Variants in LAMB4 observed in about 807,000 individuals in gnomAD.
LAMB4 encodes the protein laminin subunit beta 4.
Under a neutral mutation model 199.2 loss-of-function variants are expected in LAMB4, and 196 were observed. The observed-to-expected ratio is 0.98, with a 90% CI of 0.88 to 1.11. LAMB4 has a LOEUF of 1.11. Ranked by LOEUF, LAMB4 falls within the 50% of genes least tolerant of loss-of-function variation. LAMB4 has a pLI of 0.00. For missense variants in LAMB4, 2,080 were observed against 2,171.2 expected, an observed-to-expected ratio of 0.96 and a Z score of 0.83; for synonymous variants, 744 against 770.6, an observed-to-expected ratio of 0.97 and a Z score of 0.57.
intron 14 of LAMB4, among the ~76,000 whole-genome samples, chr7:108,082,329 TAAAA>T (rs34929844): frequency 9.6e-6 from 1 of 104,644 alleles, no homozygotes; most frequent in African/African-American, 3.8e-5. Context: ...GACTCCGTCT[TAAAA>T]AAAAAAAAAA....
chr7:108,028,420 A>G (rs1035771560), intron 33 of LAMB4, among the ~76,000 whole-genome samples: 4 of 151,626 alleles, frequency 2.6e-5, no homozygotes, highest in African/African-American at 9.7e-5. Flanking sequence ...ACAAGCAGAA[A>G]TGTCTTCAGA....
chr7:108,088,307 C>T (rs1250829102), intron 14 of LAMB4, among the ~76,000 whole-genome samples: 6 of 152,062 alleles, frequency 3.9e-5, no homozygotes, highest in East Asian at 1.9e-4. Flanking sequence ...GGACTACAGG[C>T]GTGTGCCACC....
intron 14 of LAMB4, among the ~76,000 whole-genome samples, chr7:108,088,652 CAT>C (rs1379196796): frequency 1.3e-5 from 2 of 152,158 alleles, no homozygotes; most frequent in African/African-American, 4.8e-5. Flanking sequence ...TATTCTTATT[CAT>C]AGTTTCATCT....
chr7:108,081,070 C>A (rs1272601454), intron 14 of LAMB4, among the ~76,000 whole-genome samples: 1 of 152,078 alleles, frequency 6.6e-6, no homozygotes, highest in Non-Finnish European at 1.5e-5. Flanking sequence ...TGCAGTGAGT[C>A]GAGATCGCGC....
chr7:108,117,032 A>G (rs1477786748), intron 2 of LAMB4, among the ~76,000 whole-genome samples: 2 of 152,184 alleles, frequency 1.3e-5, no homozygotes, highest in Non-Finnish European at 2.9e-5. Flanking sequence ...GCAAGACCCT[A>G]TCTCAAAAGC....
chr7:108,049,706 T>C (rs2035766274), intron 26 of LAMB4, among the ~76,000 whole-genome samples, 175 bp from the exon 27 acceptor site: 1 of 152,172 alleles, frequency 6.6e-6, no homozygotes, highest in East Asian at 1.9e-4. Flanking sequence ...AGCTATAGTA[T>C]AATAAATATG....
At chr7:108,017,168 G>A in the LAMB4 span, among the ~76,000 whole-genome samples, 2,074 of 152,280 alleles carry the variant, frequency 0.014, 61 homozygotes, top group African/African-American at 0.048. Flanking sequence ...CTGAAAGCTC[G>A]TTCAGCTGGC....
At chr7:108,089,143 T>A (rs924136926) in intron 14 of LAMB4, among the ~76,000 whole-genome samples, 6 of 152,162 alleles carry the variant, frequency 3.9e-5, no homozygotes, top group Non-Finnish European at 8.8e-5. Context: ...CTGCTGCCAA[T>A]GGACCCCCTG....
At chr7:108,054,947 G>A (rs753068747) in intron 25 of LAMB4, among the ~76,000 whole-genome samples, 3 of 152,140 alleles carry the variant, frequency 2.0e-5, no homozygotes, top group East Asian at 1.9e-4. Context: ...TCATATTAAT[G>A]TATAGGCTTC....
chr7:108,069,826 A>C lies in LAMB4; in HGVS notation c.2184T>G (p.Asp728Glu), dbSNP rs755471764. The change falls in exon 18 of 34, where the codon GAT becomes GAG. Residue 728 changes from aspartate (D) to glutamate (E), a missense_variant. By Grantham distance (45) the Asp-to-Glu change is conservative. Coordinates refer to ENST00000388781, the MANE Select transcript of LAMB4 (RefSeq NM_007356.3). ...LENFCSKQDL[D>E]EYQLHNCVEI... The stretch of plus-strand genomic sequence containing the variant: ...CAACACAGTTGTGAAGCTGATACTC[A>C]TCTAAGTCCTGCTTGCTGCAGAAAT... 5 of 1,614,022 alleles carry C rather than the reference A, an allele frequency of 3.1e-6. No homozygotes were observed. Among genetic ancestry groups the C allele is most frequent in the Non-Finnish European group, 4.2e-6 (5 of 1,179,884 alleles).
At position 108,037,611 on chromosome 7, in the gene LAMB4, G is replaced by A. The variant is rs1460602669; in HGVS notation, c.4472-16C>T. The A allele has an allele frequency of 3.1e-6, 5 of 1,595,692 alleles. No individual in the cohort carries two copies. The highest frequency in any genetic ancestry group is 4.3e-6 in the Non-Finnish European group (5 of 1,163,714). ...ACGTTTTCCTCTTAAATAAGAAGCA[G>A]GGTTTTAGGTAATCATGTCTCCTTA... is the stretch of plus-strand genomic sequence containing the variant. On this transcript the variant is annotated splice_polypyrimidine_tract_variant and intron_variant, in intron 29 of 33. Transcript: ENST00000388781.
chr7:108,079,078 T>G (rs2150577260), intron 15 of LAMB4, among the ~76,000 whole-genome samples: 1 of 152,358 alleles, frequency 6.6e-6, no homozygotes, highest in South Asian at 2.1e-4. Flanking sequence ...GTAAATCAAC[T>G]ATTTTTCTAA....
At chr7:108,096,448 C>T (rs1480121876) in intron 11 of LAMB4, among the ~76,000 whole-genome samples, 2 of 152,074 alleles carry the variant, frequency 1.3e-5, no homozygotes, top group Non-Finnish European at 2.9e-5. Flanking sequence ...GCTAGTGTTG[C>T]TGTGAACATG....
intron 32 of LAMB4, among the ~76,000 whole-genome samples, chr7:108,029,886 G>C (rs943544492): frequency 6.6e-6 from 1 of 152,100 alleles, no homozygotes; most frequent in Non-Finnish European, 1.5e-5. Flanking sequence ...TTAGGAGGCC[G>C]AGGCAGGCGG....
Position 108,105,895 on chromosome 7 carries a change from G to C in LAMB4, c.792C>G (p.Ser264Arg), listed in dbSNP as rs763256737. 1.2e-5 allele frequency: 19 copies of C among 1,614,262 alleles called. No homozygotes were observed. The South Asian group carries it at 2.0e-4, about 17-fold the overall frequency. Residue 264 changes from serine to arginine, a missense_variant, in exon 8 of 34, where the codon AGC (serine) becomes AGG (arginine). Coordinates refer to ENST00000388781, the MANE Select transcript of LAMB4 (RefSeq NM_007356.3). Reference sequence around the variant, plus strand: ...CGCTAGCATGGCCATTGCAAAAGCAGCTTCCCCGAACAATCATCTCGTACA... The same window carrying C: ...CGCTAGCATGGCCATTGCAAAAGCACCTTCCCCGAACAATCATCTCGTACA... ...YALYEMIVRG[S>R]CFCNGHASEC...
In LAMB4 at chr7:108,052,261, T is replaced by C. The variant is rs748356737; in HGVS notation, c.3756-4A>G. On this transcript the variant is annotated splice_polypyrimidine_tract_variant and splice_region_variant and intron_variant, in intron 25 of 33. Coordinates refer to ENST00000388781, the MANE Select transcript of LAMB4 (RefSeq NM_007356.3). ...ATTTAGCTGCATGATTTGTCTTCTA[T>C]AGAGGAAATAAGGGTAAATGTAGTT... 55 of 1,580,052 alleles carry C rather than the reference T, an allele frequency of 3.5e-5. No individual in the cohort carries two copies. The highest frequency in any genetic ancestry group is 1.3e-4 in the South Asian group (11 of 84,406).
chr7:108,029,945 C>G (rs756414323), intron 32 of LAMB4, among the ~76,000 whole-genome samples: 23 of 152,146 alleles, frequency 1.5e-4, no homozygotes, highest in Non-Finnish European at 2.5e-4. Context: ...TGGTGAAACC[C>G]TGTCTCTACT....
At chr7:108,111,703 C>T (rs2038229736) in intron 4 of LAMB4, 108 bp downstream of exon 4, 4 of 924,540 alleles carry the variant, frequency 4.3e-6, no homozygotes, top group South Asian at 1.6e-5. Flanking sequence ...GATACTGTTC[C>T]ATTCCAATAT....
Position 108,057,931 on chromosome 7 carries a change from G to C in LAMB4, c.3283-3C>G. 1 of 1,605,020 alleles carries C rather than the reference G, an allele frequency of 6.2e-7. No homozygotes were observed. Among genetic ancestry groups the C allele is most frequent in the Non-Finnish European group, 8.5e-7 (1 of 1,171,738 alleles). On this transcript the variant is annotated splice_polypyrimidine_tract_variant and splice_region_variant and intron_variant, in intron 23 of 33. Coordinates refer to ENST00000388781, the MANE Select transcript of LAMB4 (RefSeq NM_007356.3). The stretch of plus-strand genomic sequence containing the variant: ...TTACACGGACACTGGCCTGTAAGCT[G>C]TGAGAACAGTCATGGGTGAGGAATT...
Sources: gnomAD v4.1 joint callset for allele counts (sites outside exome capture counted in the v4.1 genomes callset) on GRCh38, gnomAD v4.1.1 for gene constraint, MANE v1.5 for transcripts, NCBI Gene and HGNC (gene_info 2026-07-23, HGNC 2026-07-21) for gene names.